Variants in KAT2B observed in about 807,000 individuals in gnomAD.
KAT2B encodes lysine acetyltransferase 2B.
A neutral mutation model predicts 105.9 loss-of-function variants in KAT2B; 36 were observed. The ratio of observed to expected loss-of-function variants is 0.34; its 90% confidence interval spans 0.26 to 0.45. The LOEUF (loss-of-function observed/expected upper bound fraction) is 0.45, where lower values mean the gene tolerates loss of function less well. KAT2B is among the 20% of genes least tolerant of loss of function. KAT2B has a pLI of 1.00. For synonymous variants in KAT2B, 397 were observed against 377.9 expected, an observed-to-expected ratio of 1.05 and a Z score of -0.59; for missense variants, 820 against 1,021.6, an observed-to-expected ratio of 0.80 and a Z score of 2.69.
intron 5 of KAT2B, among the ~76,000 whole-genome samples, chr3:20,111,264 G>A (rs2365792): frequency 0.62 from 93,981 of 152,086 alleles, 29,760 homozygotes; most frequent in African/African-American, 0.76. Flanking sequence ...AGGTAAGGAA[G>A]GAAAGGCTAA....
At chr3:20,047,804 CG>C (rs1420213075) in intron 1 of KAT2B, among the ~76,000 whole-genome samples, 1 of 151,668 alleles carries the variant, frequency 6.6e-6, no homozygotes, top group Non-Finnish European at 1.5e-5. Context: ...TTAGTAGAGA[CG>C]GGGTTTCACC....
intron 17 of KAT2B, 37 bp downstream of exon 17, chr3:20,148,524 ACT>A: frequency 2.1e-6 from 3 of 1,424,978 alleles, no homozygotes; most frequent in East Asian, 2.3e-5. Context: ...TAGATTTAAA[ACT>A]CTGGATGGCG....
At chr3:20,113,826 G>A (rs950201161) in intron 6 of KAT2B, among the ~76,000 whole-genome samples, 1 of 151,526 alleles carries the variant, frequency 6.6e-6, no homozygotes, top group Admixed American at 6.6e-5. Context: ...TTTCCACTTG[G>A]CTTTAATGTG....
At chr3:20,132,254 A>G (rs1699523627) in intron 11 of KAT2B, among the ~76,000 whole-genome samples, 1 of 152,138 alleles carries the variant, frequency 6.6e-6, no homozygotes, top group Non-Finnish European at 1.5e-5. Context: ...CATGCCTGTA[A>G]TCCCAGCTAC....
intron 3 of KAT2B, among the ~76,000 whole-genome samples, chr3:20,096,783 T>C (rs1326681440): frequency 2.0e-5 from 3 of 152,194 alleles, no homozygotes; most frequent in East Asian, 1.9e-4. Context: ...TCTGAACTTA[T>C]TTGATTCATA....
chr3:20,052,713 A>C (rs931944595), intron 1 of KAT2B, among the ~76,000 whole-genome samples: 4 of 152,048 alleles, frequency 2.6e-5, no homozygotes, highest in African/African-American at 9.7e-5. Flanking sequence ...CATGCCTGTA[A>C]TCCCAGCACT....
chr3:20,099,952 C>T lies in KAT2B; in HGVS notation c.667C>T (p.Gln223Ter). The part of the protein sequence containing the change: ...KPPFEKPSIE[Q>*]GVNNFVQYKF... ...CCCATTTGAAAAACCTAGCATTGAA[C>T]AGGTAAAAAGATTTTAAAAGCCCTC... Residue 223 changes from glutamine to a stop codon, truncating the protein, a stop_gained and splice_region_variant, in exon 4 of 18, where the codon CAG (glutamine) becomes TAG (stop). Coordinates refer to ENST00000263754, the MANE Select transcript of KAT2B (RefSeq NM_003884.5). LOFTEE classifies it high-confidence loss of function. 1 of 1,561,696 alleles carries T rather than the reference C, an allele frequency of 6.4e-7. No individual in the cohort carries two copies. The highest frequency in any genetic ancestry group is 8.8e-7 in the Non-Finnish European group (1 of 1,133,304).
intron 1 of KAT2B, among the ~76,000 whole-genome samples, chr3:20,064,927 C>A (rs545654310): frequency 6.6e-6 from 1 of 152,308 alleles, no homozygotes; most frequent in Non-Finnish European, 1.5e-5. Flanking sequence ...TCCTGTTCCT[C>A]TGGATGCCAC....
chr3:20,059,129 T>C (rs1172467746), intron 1 of KAT2B, among the ~76,000 whole-genome samples: 1 of 152,112 alleles, frequency 6.6e-6, no homozygotes, highest in Admixed American at 6.6e-5. Flanking sequence ...TATTAAAATA[T>C]CTTGCTGGGC....
intron 1 of KAT2B, among the ~76,000 whole-genome samples, chr3:20,041,761 C>T (rs1697724136): frequency 6.6e-6 from 1 of 152,192 alleles, no homozygotes; most frequent in Admixed American, 6.5e-5. Context: ...CTCACACCTC[C>T]CTGTATTCTT....
At chr3:20,063,534 CTTTTTTTTTTTTTTT>C (rs36058009) in intron 1 of KAT2B, among the ~76,000 whole-genome samples, 44,757 of 89,954 alleles carry the variant, frequency 0.5, 8,604 homozygotes, top group Middle Eastern at 0.61. Flanking sequence ...GAGTAGGCCT[CTTTTTTTTTTTTTTT>C]TTTTTTTTTT....
At chr3:20,041,510 C>T (rs767635082) in intron 1 of KAT2B, among the ~76,000 whole-genome samples, 1 of 152,200 alleles carries the variant, frequency 6.6e-6, no homozygotes, top group Admixed American at 6.5e-5. Flanking sequence ...TTGAGGACAC[C>T]CATTTCTTGC....
intron 1 of KAT2B, among the ~76,000 whole-genome samples, chr3:20,066,925 C>CA (rs1247048412): frequency 2.0e-5 from 3 of 152,072 alleles, no homozygotes; most frequent in Non-Finnish European, 4.4e-5. Flanking sequence ...TTCAAACACT[C>CA]ATAACACATC....
intron 2 of KAT2B, among the ~76,000 whole-genome samples, chr3:20,085,130 G>T (rs954870319): frequency 6.6e-6 from 1 of 152,154 alleles, no homozygotes; most frequent in Admixed American, 6.5e-5. Flanking sequence ...TGGGAGGATT[G>T]CTTGAGCCCA....
intron 7 of KAT2B, among the ~76,000 whole-genome samples, chr3:20,117,850 C>T (rs1699233352): frequency 6.6e-6 from 1 of 152,142 alleles, no homozygotes; most frequent in Non-Finnish European, 1.5e-5. Flanking sequence ...AAGCAGCATC[C>T]TACTTTGTAC....
At chr3:20,042,904 CTTT>C (rs560877108) in intron 1 of KAT2B, among the ~76,000 whole-genome samples, 1 of 145,708 alleles carries the variant, frequency 6.9e-6, no homozygotes, top group Non-Finnish European at 1.5e-5. Context: ...ATTTTAACGT[CTTT>C]TTTTTTTTTT....
chr3:20,090,767 C>T (rs34572705), intron 2 of KAT2B, among the ~76,000 whole-genome samples: 1 of 151,900 alleles, frequency 6.6e-6, no homozygotes, highest in Non-Finnish European at 1.5e-5. Flanking sequence ...TAGAGTTTCA[C>T]TTTGTCATAA....
intron 1 of KAT2B, among the ~76,000 whole-genome samples, chr3:20,066,555 T>A (rs1283729560): frequency 6.6e-6 from 1 of 151,990 alleles, no homozygotes; most frequent in Non-Finnish European, 1.5e-5. Context: ...TGTGTCACTA[T>A]GCCTGGCTAA....
chr3:20,116,365 C>T (rs933647397), intron 7 of KAT2B, among the ~76,000 whole-genome samples: 2 of 152,268 alleles, frequency 1.3e-5, no homozygotes, highest in South Asian at 2.1e-4. Flanking sequence ...GACTGGATCT[C>T]TTTTCTTCCA....
Sources: allele counts gnomAD v4.1 joint callset (sites outside exome capture counted in the v4.1 genomes callset), GRCh38; gene constraint gnomAD v4.1.1; transcripts MANE v1.5; gene names NCBI Gene and HGNC (gene_info 2026-07-23, HGNC 2026-07-21).